The following FAM81A variants were observed in gnomAD, a reference collection of about 807,000 sequenced individuals.
The protein encoded by FAM81A is family with sequence similarity 81 member A.
A neutral mutation model predicts 46.7 loss-of-function variants in FAM81A; 19 were observed. The observed-to-expected ratio is 0.41, with a 90% CI of 0.28 to 0.60. The LOEUF (loss-of-function observed/expected upper bound fraction) is 0.60, where lower values mean the gene tolerates loss of function less well. Among genes scored for constraint, FAM81A ranks in the 20% least tolerant of loss-of-function variants. The probability of loss-of-function intolerance (pLI) is 0.34; values close to 1 mark genes in which losing one functional copy is unlikely to be tolerated. For missense variants in FAM81A, 377 were observed against 453.5 expected (o/e 0.83, Z 1.53); for synonymous variants, 183 against 152.9 (o/e 1.20, Z -1.45).
intron 3 of FAM81A, among the ~76,000 whole-genome samples, chr15:59,471,186 A>C (rs772563918): frequency 6.6e-6 from 1 of 152,100 alleles, no homozygotes; most frequent in Non-Finnish European, 1.5e-5. Context: ...CTGTATTCTT[A>C]CTGATTTTCT....
chr15:59,509,386 C>G (rs1046133400), intron 6 of FAM81A, among the ~76,000 whole-genome samples: 4 of 151,992 alleles, frequency 2.6e-5, no homozygotes, highest in Non-Finnish European at 4.4e-5. Context: ...GAATAATGGT[C>G]CTCTAAACAT....
At chr15:59,499,526 T>A (rs754149188) in intron 4 of FAM81A, among the ~76,000 whole-genome samples, 1 of 152,238 alleles carries the variant, frequency 6.6e-6, no homozygotes. Flanking sequence ...GGATTCAAAT[T>A]ACTAACTGGG....
chr15:59,440,539 G>C (rs2081286287), intron 1 of FAM81A, among the ~76,000 whole-genome samples: 2 of 152,126 alleles, frequency 1.3e-5, no homozygotes, highest in African/African-American at 4.8e-5. Context: ...TTAATTCTTT[G>C]ACCTTGAAGT....
intron 2 of FAM81A, among the ~76,000 whole-genome samples, chr15:59,432,513 A>G (rs1464498304): frequency 1.3e-5 from 2 of 152,118 alleles, no homozygotes; most frequent in South Asian, 2.1e-4. Flanking sequence ...CCTCAGTCTC[A>G]TTTGGTTTTT....
intron 4 of FAM81A, among the ~76,000 whole-genome samples, chr15:59,496,537 G>A (rs991939856): frequency 3.9e-5 from 6 of 152,094 alleles, no homozygotes; most frequent in Admixed American, 3.3e-4. Flanking sequence ...CCTGGGAGGC[G>A]GAGGTTGTAG....
chr15:59,443,769 C>G (rs1350246807), intron 1 of FAM81A, among the ~76,000 whole-genome samples: 1 of 152,166 alleles, frequency 6.6e-6, no homozygotes, highest in Non-Finnish European at 1.5e-5. Context: ...TCCATTCGTC[C>G]TTTCCTTTCT....
At chr15:59,450,393 C>G (rs1302163986) in intron 1 of FAM81A, among the ~76,000 whole-genome samples, 1 of 152,036 alleles carries the variant, frequency 6.6e-6, no homozygotes, top group South Asian at 2.1e-4. Context: ...TTCTTAAGAG[C>G]ACATTTGGAA....
Position 59,486,904 on chromosome 15 carries a change from A to G in FAM81A, c.295-5367A>G, listed in dbSNP as rs545066749. Among the ~76,000 whole-genome samples, 4 of 152,242 alleles carry G rather than the reference A, an allele frequency of 2.6e-5. 1 individual carries two copies. In the South Asian group the frequency reaches 8.3e-4, roughly 32 times the overall value. On this transcript the variant is annotated intron_variant, in intron 3 of 8. Transcript: ENST00000288228. ...TGCTAAAAGGAGTTCTTCAACATTC[A>G]AGAAAAGAATGTTAATGAGCAATAA...
rs973795709 is a variant in FAM81A at position 59,522,839 on chromosome 15, A to G, written c.*1461A>G. 2 of 152,768 alleles carry G rather than the reference A, an allele frequency of 1.3e-5. No individual in the cohort carries two copies. The highest frequency in any genetic ancestry group is 6.5e-5 in the Admixed American group (1 of 15,310). The allele number at this position is 152,768 out of a possible 1,614,324, so 9.5% of individuals were successfully genotyped here. The stretch of plus-strand genomic sequence containing the variant: ...TTACCCATATAAAATATGCTGCTAA[A>G]GTACATATTTTGCTGTCAATGGCTT... On this transcript the variant is annotated 3_prime_UTR_variant, in exon 9 of 9. Coordinates refer to ENST00000288228, the MANE Select transcript of FAM81A (RefSeq NM_152450.3).
intron 2 of FAM81A, among the ~76,000 whole-genome samples, chr15:59,403,746 C>T (rs2081081985): frequency 7.1e-6 from 1 of 140,274 alleles, no homozygotes; most frequent in South Asian, 2.4e-4. Flanking sequence ...ATTCATGGCA[C>T]ACAGGGAGGT....
rs1028143042 is a variant in FAM81A, at chr15:59,521,787, C to T, written c.*409C>T. 1.8e-4 allele frequency: 27 copies of T among 153,344 alleles called. No individual in the cohort carries two copies. Among genetic ancestry groups the T allele is most frequent in the Non-Finnish European group, 3.3e-4 (23 of 69,048 alleles). The allele number at this position is 153,344 out of a possible 1,614,324, so 9.5% of individuals were successfully genotyped here. On this transcript the variant is annotated 3_prime_UTR_variant, in exon 9 of 9. Transcript: ENST00000288228. ...GAATCATCACAGGAATGTGTTGCTC[C>T]TCACCCTAAATTAAGAGAATGTCCC...
At chr15:59,419,968 G>T (rs1291665835) in intron 2 of FAM81A, among the ~76,000 whole-genome samples, 1 of 152,128 alleles carries the variant, frequency 6.6e-6, no homozygotes, top group Non-Finnish European at 1.5e-5. Context: ...TGTATTTTGG[G>T]TCTTGCCACC....
intron 6 of FAM81A, among the ~76,000 whole-genome samples, chr15:59,509,962 T>A (rs1277557667): frequency 6.6e-6 from 1 of 152,076 alleles, no homozygotes; most frequent in Non-Finnish European, 1.5e-5. Flanking sequence ...AACCTATGCC[T>A]AATGAGAATC....
rs2081200626 is a variant in FAM81A, at chr15:59,427,554, C to G, written c.-78+25196C>G. On this transcript the variant is annotated intron_variant, in intron 2 of 4. Coordinates refer to the FAM81A transcript ENST00000558348. ...ACCATCCACACTGCCCCGCTAGGCC[C>G]CACTCTCCTTCCTAGCATCTGGTAA... Among the ~76,000 whole-genome samples, 3 of 151,980 alleles carry G rather than the reference C, an allele frequency of 2.0e-5. No individual in the cohort carries two copies. The South Asian group carries it at 6.2e-4, about 32-fold the overall frequency.
At chr15:59,453,141 C>G (rs1039160603) in intron 1 of FAM81A, among the ~76,000 whole-genome samples, 4 of 152,184 alleles carry the variant, frequency 2.6e-5, no homozygotes, top group African/African-American at 9.7e-5. Context: ...GGGAAAGGAA[C>G]CAACCCTTAC....
chr15:59,498,450 C>G (rs1396515489), intron 4 of FAM81A, among the ~76,000 whole-genome samples: 1 of 152,194 alleles, frequency 6.6e-6, no homozygotes, highest in Non-Finnish European at 1.5e-5. Flanking sequence ...TTTCTACATA[C>G]AGATCATGCC....
intron 1 of FAM81A, among the ~76,000 whole-genome samples, chr15:59,398,232 C>T (rs898983246): frequency 6.6e-6 from 1 of 152,186 alleles, no homozygotes; most frequent in South Asian, 2.1e-4. Context: ...AGAGTGTCAA[C>T]TCTGGCAGGA....
chr15:59,500,400 C>T (rs907797304), intron 4 of FAM81A, among the ~76,000 whole-genome samples: 1 of 152,012 alleles, frequency 6.6e-6, no homozygotes, highest in African/African-American at 2.4e-5. Flanking sequence ...TGGGCTCAAG[C>T]GACCCCCCAA....
intron 2 of FAM81A, among the ~76,000 whole-genome samples, chr15:59,422,737 A>C (rs1044569388): frequency 1.3e-5 from 2 of 152,128 alleles, no homozygotes; most frequent in Non-Finnish European, 2.9e-5. Context: ...CAGCCTCCCA[A>C]AGTGCTGGGA....
Sources: gnomAD v4.1 joint callset for allele counts (sites outside exome capture counted in the v4.1 genomes callset) on GRCh38, gnomAD v4.1.1 for gene constraint, MANE v1.5 for transcripts, NCBI Gene and HGNC (gene_info 2026-07-23, HGNC 2026-07-21) for gene names.